EXPH5: variants seen among roughly 807,000 people sequenced by gnomAD.
The protein encoded by EXPH5 is exophilin 5.
Under a neutral mutation model 41.1 loss-of-function variants are expected in EXPH5, and 42 were observed. The observed-to-expected ratio is 1.02, with a 90% CI of 0.80 to 1.32. EXPH5 has a LOEUF of 1.32. EXPH5 is among the 40% of genes most tolerant of loss of function. The pLI is 0.00. For missense variants in EXPH5, 2,298 were observed against 2,314.5 expected (o/e 0.99, Z 0.15); for synonymous variants, 798 against 833.5 (o/e 0.96, Z 0.73).
chr11:108,570,068 T>A (rs2094052995), intron 1 of EXPH5, among the ~76,000 whole-genome samples: 1 of 152,124 alleles, frequency 6.6e-6, no homozygotes, highest in African/African-American at 2.4e-5. Flanking sequence ...GGAAAGCAGA[T>A]CTGAGCCAAG....
intron 3 of EXPH5, among the ~76,000 whole-genome samples, chr11:108,534,157 T>C (rs1046541542): frequency 1.9e-4 from 29 of 152,316 alleles, no homozygotes; most frequent in African/African-American, 6.3e-4. Context: ...TTGAAAACCA[T>C]TGAGGTACAG....
chr11:108,543,241 T>G (rs1455536977), intron 1 of EXPH5, among the ~76,000 whole-genome samples: 1 of 152,178 alleles, frequency 6.6e-6, no homozygotes, highest in Non-Finnish European at 1.5e-5. Flanking sequence ...CCAATTCTCT[T>G]TCAAATGAAA....
chr11:108,600,235 A>G, the EXPH5 span, among the ~76,000 whole-genome samples: 1 of 152,224 alleles, frequency 6.6e-6, no homozygotes, highest in Non-Finnish European at 1.5e-5. Context: ...TTCTCCATCA[A>G]CAGCCTAAAT....
chr11:108,573,062 A>G (rs1253371070), intron 1 of EXPH5, among the ~76,000 whole-genome samples: 1 of 150,840 alleles, frequency 6.6e-6, no homozygotes, highest in African/African-American at 2.4e-5. Context: ...AAAAATGTTG[A>G]AAAAAATAAG....
In EXPH5 at chr11:108,571,908, C is replaced by T. The variant is rs568126381; in HGVS notation, c.119+21510G>A. ...CTAAAAATACAAAAAATTAGCCAGG[C>T]GTGGTGGCGGGCGCCTGTAGTCCCA... is the stretch of plus-strand genomic sequence containing the variant. On this transcript the variant is annotated intron_variant, in intron 1 of 5. Transcript: ENST00000265843. 2.0e-5 allele frequency among the ~76,000 whole-genome samples: 3 copies of T among 152,040 alleles called. No individual in the cohort carries two copies. In the East Asian group the frequency reaches 5.8e-4, roughly 29 times the overall value.
chr11:108,524,146 T>C (rs1483387971), intron 4 of EXPH5, among the ~76,000 whole-genome samples: 3 of 152,188 alleles, frequency 2.0e-5, no homozygotes, highest in African/African-American at 7.2e-5. Context: ...CAGGACAGTG[T>C]AGTGGTTAAG....
Position 108,510,324 on chromosome 11 carries a change from T to G in EXPH5, c.5183A>C (p.Glu1728Ala), listed in dbSNP as rs1204491126. The change falls in exon 6 of 6, where the codon GAA becomes GCA. Residue 1728 changes from glutamate (E) to alanine (A), a missense_variant. By Grantham distance (107) the Glu-to-Ala change is moderately radical. Transcript: ENST00000265843. ...DVTAAQNLVR[E>A]SGAPSPITFT... ...TGTGATGGGTGATGGGGCTCCTGAT[T>G]CTCTTACTAAATTCTGAGCTGCTGT... 1 of 1,613,966 alleles carries G rather than the reference T, an allele frequency of 6.2e-7. No individual in the cohort carries two copies. Among genetic ancestry groups the G allele is most frequent in the Non-Finnish European group, 8.5e-7 (1 of 1,179,938 alleles).
intron 1 of EXPH5, among the ~76,000 whole-genome samples, chr11:108,547,076 T>C (rs949947758): frequency 2.0e-5 from 3 of 152,118 alleles, no homozygotes; most frequent in Non-Finnish European, 2.9e-5. Flanking sequence ...GCTGGGATTA[T>C]AGGTGTGAGC....
At chr11:108,598,555 G>A (rs950277719), upstream of EXPH5, among the ~76,000 whole-genome samples, 1 of 152,106 alleles carries the variant, frequency 6.6e-6, no homozygotes. Flanking sequence ...ATGGTGGAGA[G>A]TAAGTCTGAA....
intron 1 of EXPH5, among the ~76,000 whole-genome samples, chr11:108,564,683 T>C (rs569199735): frequency 1.3e-5 from 2 of 152,362 alleles, no homozygotes; most frequent in Non-Finnish European, 2.9e-5. Context: ...TAATGACTTA[T>C]GAACTATATC....
chr11:108,590,839 G>T (rs964437214), intron 1 of EXPH5, among the ~76,000 whole-genome samples: 5 of 152,152 alleles, frequency 3.3e-5, no homozygotes, highest in African/African-American at 1.2e-4. Flanking sequence ...TTATTGTAGA[G>T]ACATGGTCTC....
rs34979772 is a variant in EXPH5, at chr11:108,510,789, T to A, written c.4718A>T (p.Asn1573Ile). 1.3e-3 allele frequency: 2,019 copies of A among 1,614,048 alleles called. 22 individuals carry two copies. In the African/African-American group the frequency reaches 0.023, roughly 18 times the overall value. ...GTCATCCAAGTTGGTTTTATTTTTGTTTCCTTCAGGAAGTGAAGGTTGATC... is the reference window on the plus strand; with the variant it reads ...GTCATCCAAGTTGGTTTTATTTTTGATTCCTTCAGGAAGTGAAGGTTGATC... ...AWDQPSLPEG[N>I]KNKTNLDDLV... The change falls in exon 6 of 6, where the codon AAC (asparagine) becomes ATC (isoleucine). Residue 1573 changes from asparagine (N) to isoleucine (I), a missense_variant. By Grantham distance (149) the Asn-to-Ile change is moderately radical (BLOSUM62 -3). Transcript: ENST00000265843.
chr11:108,579,069 C>T (rs1488031695), intron 1 of EXPH5, among the ~76,000 whole-genome samples: 1 of 152,142 alleles, frequency 6.6e-6, no homozygotes, highest in African/African-American at 2.4e-5. Context: ...AAGGGGTATC[C>T]TTGTCTTGTT....
intron 1 of EXPH5, among the ~76,000 whole-genome samples, chr11:108,585,771 C>A (rs1043409913): frequency 1.1e-3 from 164 of 152,236 alleles, no homozygotes; most frequent in African/African-American, 3.8e-3. Flanking sequence ...CATGTTCACA[C>A]AAAAGCCTGC....
intron 1 of EXPH5, among the ~76,000 whole-genome samples, chr11:108,578,419 T>C (rs1052658215): frequency 2.0e-5 from 3 of 152,198 alleles, no homozygotes; most frequent in Non-Finnish European, 4.4e-5. Context: ...AGTACCATGT[T>C]ATTTTAGTTA....
chr11:108,546,478 G>A (rs1380257471), intron 1 of EXPH5, among the ~76,000 whole-genome samples: 1 of 152,136 alleles, frequency 6.6e-6, no homozygotes, highest in African/African-American at 2.4e-5. Flanking sequence ...CAGGTGATGT[G>A]TTTTGGGGAG....
At chr11:108,561,114 G>A (rs2094009738) in intron 1 of EXPH5, among the ~76,000 whole-genome samples, 1 of 152,138 alleles carries the variant, frequency 6.6e-6, no homozygotes, top group Non-Finnish European at 1.5e-5. Flanking sequence ...ATTGAACTCA[G>A]TCTGTAAACA....
chr11:108,560,261 G>A (rs2094005981), intron 1 of EXPH5, among the ~76,000 whole-genome samples: 1 of 152,198 alleles, frequency 6.6e-6, no homozygotes, highest in Admixed American at 6.5e-5. Context: ...GTCAAAGGAA[G>A]CTTGTTGTTG....
In EXPH5 at chr11:108,506,884, G is replaced by C. The variant is rs1341722445; in HGVS notation, c.*2653C>G. ...TGGGCACCTGTAATCCCAGCTACTC[G>C]GGAAGCTGAGGCAGGAGAATCGCTT... On this transcript the variant is annotated 3_prime_UTR_variant, in exon 6 of 6. Coordinates refer to ENST00000265843, the MANE Select transcript of EXPH5 (RefSeq NM_015065.3). 1.3e-5 allele frequency: 2 copies of C among 152,050 alleles called. No homozygotes were observed. The highest frequency in any genetic ancestry group is 2.4e-5 in the African/African-American group (1 of 41,390). The allele number at this position is 152,050 out of a possible 1,614,324, so 9.4% of individuals were successfully genotyped here.
Sources: gnomAD v4.1 joint callset for allele counts (sites outside exome capture counted in the v4.1 genomes callset) on GRCh38, gnomAD v4.1.1 for gene constraint, MANE v1.5 for transcripts, NCBI Gene and HGNC (gene_info 2026-07-23, HGNC 2026-07-21) for gene names.